Variants in PELP1 observed in about 807,000 individuals in gnomAD.
PELP1 encodes the protein proline-, glutamic acid- and leucine-rich protein 1.
PELP1 carries 32 observed loss-of-function variants against 95.5 expected under a neutral mutation model. The observed-to-expected ratio is 0.34, with a 90% confidence interval of 0.25 to 0.45. PELP1 has a LOEUF of 0.45. PELP1 is among the 20% of genes least tolerant of loss of function. The pLI, the probability that PELP1 is intolerant of heterozygous loss-of-function variation, is 1.00. For missense variants in PELP1, 1,358 were observed against 1,444.8 expected (o/e 0.94, Z 0.97); for synonymous variants, 668 against 600.1 (o/e 1.11, Z -1.65).
chr17:4,677,563 C>T (rs1912531422), intron 5 of PELP1, among the ~76,000 whole-genome samples: 1 of 152,176 alleles, frequency 6.6e-6, no homozygotes, highest in Admixed American at 6.5e-5. Context: ...AAATATCATT[C>T]ACATGCATCA....
intron 1 of PELP1, among the ~76,000 whole-genome samples, chr17:4,700,470 C>G (rs1176327951): frequency 6.6e-6 from 1 of 152,120 alleles, no homozygotes; most frequent in African/African-American, 2.4e-5. Flanking sequence ...CATGGTGAAA[C>G]TCCGTCTCTA....
At chr17:4,695,027 C>T (rs1191694390) in intron 1 of PELP1, among the ~76,000 whole-genome samples, 1 of 148,536 alleles carries the variant, frequency 6.7e-6, no homozygotes, top group African/African-American at 2.5e-5. Flanking sequence ...GACTCCATTT[C>T]GAAAAAAATA....
intron 1 of PELP1, among the ~76,000 whole-genome samples, chr17:4,701,783 A>G (rs1369736100): frequency 6.6e-6 from 1 of 152,230 alleles, no homozygotes; most frequent in Non-Finnish European, 1.5e-5. Flanking sequence ...CGTAAAACAT[A>G]ACAGATACTC....
In PELP1 at chr17:4,696,960, G is replaced by A. The variant is rs530356303; in HGVS notation, c.250-5518C>T. On this transcript the variant is annotated intron_variant, in intron 1 of 16. Transcript: ENST00000572293. ...TCAGTTTCAGATCTGTTCAATCTGTGATGTGTATTTAACATGAAAACGGAG... is the reference window on the plus strand; with the variant it reads ...TCAGTTTCAGATCTGTTCAATCTGTAATGTGTATTTAACATGAAAACGGAG... 15 of 152,222 alleles carry A rather than the reference G, an allele frequency of 9.9e-5. No homozygotes were observed. In the East Asian group the frequency reaches 2.7e-3, roughly 27 times the overall value. 9.4% of individuals were successfully genotyped at this position (152,222 alleles called of 1,614,324 possible).
Position 4,694,505 on chromosome 17 carries a change from A to AAAAAAAAAAAAAAAAAAAAAAAAAAAC in PELP1, c.250-3064_250-3063insGTTTTTTTTTTTTTTTTTTTTTTTTTT. ...CATCTCTACCAAAAATACAAAAAAA[A>AAAAAAAAAAAAAAAAAAAAAAAAAAAC]AAAAATCAGCCAGGCGTGGTGGCAG... On this transcript the variant is annotated intron_variant, in intron 1 of 16. Transcript: ENST00000572293. Among the ~76,000 whole-genome samples the AAAAAAAAAAAAAAAAAAAAAAAAAAAC allele has an allele frequency of 1.4e-5, 2 of 142,564 alleles. 1 individual carries two copies. The highest frequency in any genetic ancestry group is 5.2e-5 in the African/African-American group (2 of 38,420). The allele number at this position is 142,564 out of a possible 152,430, so 93.5% of individuals were successfully genotyped here.
rs1321043513 is a variant in PELP1 at position 4,670,228 on chromosome 17, T to C, written c.*1211A>G. ...CACCTCCTCAAAGGGCTCTTCAGGA[T>C]ACATGTTGGGAGAAATGACTCCCTC... is the stretch of plus-strand genomic sequence containing the variant. On this transcript the variant is annotated 3_prime_UTR_variant, in exon 17 of 17. Transcript: ENST00000572293. 1 of 152,186 alleles carries C rather than the reference T, an allele frequency of 6.6e-6. No homozygotes were observed. Among genetic ancestry groups the C allele is most frequent in the Non-Finnish European group, 1.5e-5 (1 of 68,026 alleles). The allele number at this position is 152,186 out of a possible 1,614,324, so 9.4% of individuals were successfully genotyped here. A position where few individuals can be genotyped will look rare whatever the true frequency, so the allele number is the denominator to read the frequency against.
At chr17:4,678,739 A>C (rs897470691) in intron 5 of PELP1, among the ~76,000 whole-genome samples, 1 of 152,198 alleles carries the variant, frequency 6.6e-6, no homozygotes, top group African/African-American at 2.4e-5. Context: ...AAGTGAGTTC[A>C]AGTCTCTGCA....
At chr17:4,685,925 C>T (rs1042738257) in intron 3 of PELP1, among the ~76,000 whole-genome samples, 4 of 152,022 alleles carry the variant, frequency 2.6e-5, no homozygotes, top group Non-Finnish European at 2.9e-5. Context: ...GGTGAAACCC[C>T]GTCTCTACTA....
Position 4,672,653 on chromosome 17 carries a change from A to G in PELP1, c.2338T>C (p.Leu780=), listed in dbSNP as rs753755386. Reference sequence around the variant, plus strand: ...ACGCTGTCATCAGAGTCACTTTCCAAGGAGATCTCCACATCAGATGCCTCC... The same window carrying G: ...ACGCTGTCATCAGAGTCACTTTCCAGGGAGATCTCCACATCAGATGCCTCC... The part of the protein sequence containing the change: ...KEEASDVEIS[L]ESDSDDSVVI... The change falls in exon 16 of 17, where the codon TTG becomes CTG. Residue 780 remains leucine (L), a synonymous_variant. Coordinates refer to ENST00000572293, the MANE Select transcript of PELP1 (RefSeq NM_014389.3). 2.5e-6 allele frequency: 4 copies of G among 1,612,156 alleles called. No homozygotes were observed. The highest frequency in any genetic ancestry group is 3.4e-6 in the Non-Finnish European group (4 of 1,179,300).
Position 4,703,907 on chromosome 17 carries a change from G to C in PELP1, c.205C>G (p.Leu69Val). ...CCATGCAGCCGCAATAGGCACATGA[G>C]CCCGGGCAAATGTGGGGCCGAGCGG... ...PNRSAPHLPG[L>V]MCLLRLHGSV... Residue 69 changes from leucine (L) to valine (V), a missense_variant, in exon 1 of 17, where the codon CTC becomes GTC. Physicochemically the swap from Leu to Val is conservative, Grantham distance 32. Transcript: ENST00000572293. 6.2e-7 allele frequency: 1 copy of C among 1,613,444 alleles called. No homozygotes were observed. Among genetic ancestry groups the C allele is most frequent in the Non-Finnish European group, 8.5e-7 (1 of 1,179,716 alleles).
chr17:4,694,673 T>C (rs1159910941), intron 1 of PELP1, among the ~76,000 whole-genome samples: 4 of 144,484 alleles, frequency 2.8e-5, no homozygotes, highest in Non-Finnish European at 6.0e-5. Context: ...AAAAATAAAA[T>C]AAAATAAAAA....
At chr17:4,697,134 A>G (rs1913329008) in intron 1 of PELP1, among the ~76,000 whole-genome samples, 1 of 152,170 alleles carries the variant, frequency 6.6e-6, no homozygotes. Flanking sequence ...GGTTGTAGGC[A>G]CTCAAACCTT....
Position 4,674,928 on chromosome 17 carries a change from A to T in PELP1, c.1303T>A (p.Leu435Ile). The T allele has an allele frequency of 6.2e-7, 1 of 1,613,370 alleles. No homozygotes were observed. The highest frequency in any genetic ancestry group is 8.5e-7 in the Non-Finnish European group (1 of 1,179,514). ...CCACAAACCTGCACCCACAGCTCTAATATCGCATACACCTTGGTCCGAACC... is the reference window on the plus strand; with the variant it reads ...CCACAAACCTGCACCCACAGCTCTATTATCGCATACACCTTGGTCCGAACC... ...STVRTKVYAILELWVQVCGAS... is the reference protein window; with the variant it reads ...STVRTKVYAIIELWVQVCGAS... Residue 435 changes from leucine to isoleucine, a missense_variant, in exon 12 of 17, where the codon TTA becomes ATA. Physicochemically the swap from Leu to Ile is conservative, Grantham distance 5 (BLOSUM62 2). This residue lies in a region of PELP1 where 538 missense variants were observed against 628.1 expected (regional missense o/e 0.86). Transcript: ENST00000572293.
rs1912457931 is a variant in PELP1, at chr17:4,676,059, G to C, written c.957C>G (p.Ala319=). Residue 319 remains alanine (A), a synonymous_variant, in exon 8 of 17, where the codon GCC becomes GCG. Transcript: ENST00000572293. The part of the protein sequence containing the change: ...LQLRQRFSGL[A]RCLGLMLSSE... ...ACCTGAGCATGAGCCCTAGGCAGCG[G>C]GCCAGTCCCGAAAACCTCTGCCGAA... 2 of 1,613,760 alleles carry C rather than the reference G, an allele frequency of 1.2e-6. No homozygotes were observed. Among genetic ancestry groups the C allele is most frequent in the African/African-American group, 2.7e-5 (2 of 74,864 alleles).
At chr17:4,689,809 C>T (rs561117214) in intron 3 of PELP1, among the ~76,000 whole-genome samples, 5 of 152,204 alleles carry the variant, frequency 3.3e-5, no homozygotes, top group Middle Eastern at 3.4e-3. Context: ...AGGTGGATCA[C>T]GAGGTCAGGA....
intron 1 of PELP1, among the ~76,000 whole-genome samples, chr17:4,693,185 C>T (rs1597456107): frequency 2.0e-5 from 3 of 152,194 alleles, no homozygotes; most frequent in South Asian, 4.1e-4. Flanking sequence ...TTCCACCCTA[C>T]GTATATACCC....
Position 4,672,174 on chromosome 17 carries a change from TTCTTCTTCCTCAAATTCTTCCTCAAAC to T in PELP1, c.2790_2816del (p.Phe931_Glu939del). 1.3e-6 allele frequency: 2 copies of T among 1,551,918 alleles called. No homozygotes were observed. The highest frequency in any genetic ancestry group is 1.7e-4 in the Middle Eastern group (1 of 5,724). On this transcript the variant is annotated inframe_deletion, in exon 16 of 17. Coordinates refer to ENST00000572293, the MANE Select transcript of PELP1 (RefSeq NM_014389.3). ...CTTCTTCTTCTTCCTCTAACTCACC[TTCTTCTTCCTCAAATTCTTCCTCAAAC>T]TCTTCTTCCTCCTCTTCTTCCTCTT... is the stretch of plus-strand genomic sequence containing the variant.
At chr17:4,680,277 C>G (rs1353077413) in intron 5 of PELP1, among the ~76,000 whole-genome samples, 1 of 152,116 alleles carries the variant, frequency 6.6e-6, no homozygotes, top group Non-Finnish European at 1.5e-5. Context: ...ACATTAATCT[C>G]ATTTTCTTTC....
At chr17:4,684,318 C>T (rs1469255255) in intron 3 of PELP1, among the ~76,000 whole-genome samples, 1 of 152,164 alleles carries the variant, frequency 6.6e-6, no homozygotes, top group Non-Finnish European at 1.5e-5. Context: ...TTCCAAATCG[C>T]TACTTCTCCC....
Sources: gnomAD v4.1 joint callset for allele counts (sites outside exome capture counted in the v4.1 genomes callset) on GRCh38, gnomAD v4.1.1 for gene constraint, gnomAD v4.1.1 regional missense constraint, MANE v1.5 for transcripts, NCBI Gene and HGNC (gene_info 2026-07-23, HGNC 2026-07-21) for gene names.